Variants in OBP2B observed in about 807,000 individuals in gnomAD.
The protein encoded by OBP2B is odorant binding protein 2B, also known as odorant-binding protein 2b.
OBP2B carries 10 observed loss-of-function variants against 21.7 expected under a neutral mutation model. The ratio of observed to expected loss-of-function variants is 0.46; its 90% CI spans 0.28 to 0.78. The LOEUF (loss-of-function observed/expected upper bound fraction) is 0.78. Ranked by LOEUF, OBP2B falls within the 30% of genes least tolerant of loss-of-function variation. The pLI, the probability that OBP2B is intolerant of heterozygous loss-of-function variation, is 0.11. For missense variants in OBP2B, 153 were observed against 217.7 expected, an observed-to-expected ratio of 0.70 and a Z score of 1.87; for synonymous variants, 73 against 91.5, an observed-to-expected ratio of 0.80 and a Z score of 1.16.
At chr9:133,221,931 C>T in the OBP2B span, among the ~76,000 whole-genome samples, 1 of 152,046 alleles carries the variant, frequency 6.6e-6, no homozygotes, top group Non-Finnish European at 1.5e-5. Context: ...AGAATCACCC[C>T]CTCCTCCCCT....
At chr9:133,207,791 C>T in intron 3 of OBP2B, 1 of 1,259,270 alleles carries the variant, frequency 7.9e-7, no homozygotes, top group South Asian at 1.3e-5. Context: ...TCAGCTTCCC[C>T]ATCCTTAACC....
Position 133,206,219 on chromosome 9 carries a change from G to A in OBP2B, c.490+96C>T, listed in dbSNP as rs558471854. The stretch of plus-strand genomic sequence containing the variant: ...AGGAGACTCGGGGCACACGGGGAAT[G>A]CGGGGGACATGGGAGGACATGGGGG... On this transcript the variant is annotated intron_variant, in intron 5 of 6. Transcript: ENST00000372034. 3.6e-5 allele frequency: 48 copies of A among 1,349,780 alleles called. No homozygotes were observed. In the Middle Eastern group the frequency reaches 5.4e-4, roughly 15 times the overall value. 83.6% of individuals were successfully genotyped at this position (1,349,780 alleles called of 1,614,324 possible).
chr9:133,206,870 G>A (rs1287343162), intron 4 of OBP2B, among the ~76,000 whole-genome samples: 2 of 151,920 alleles, frequency 1.3e-5, no homozygotes, highest in Admixed American at 6.5e-5. Context: ...CACCTGGAGG[G>A]ACCTTGTCTC....
At chr9:133,220,649 C>G in the OBP2B span, among the ~76,000 whole-genome samples, 1 of 148,680 alleles carries the variant, frequency 6.7e-6, no homozygotes, top group East Asian at 2.0e-4. Context: ...GCCCTGTGTC[C>G]CCCATGTGTA....
chr9:133,208,150 G>A lies in OBP2B; in HGVS notation c.260C>T (p.Pro87Leu). Residue 87 changes from proline (P) to leucine (L), a missense_variant, in exon 3 of 7, where the codon CCT becomes CTT. Physicochemically the swap from Pro to Leu is moderately conservative, Grantham distance 98. Transcript: ENST00000372034. ...GGGCTCACAGGCGCTGTATTTGCCA[G>A]GCTCCTCCGTCTTCCGCATCAGGAT... The part of the protein sequence containing the change: ...KKILMRKTEE[P>L]GKYSAYGGRK... 1 of 1,611,480 alleles carries A rather than the reference G, an allele frequency of 6.2e-7. No individual in the cohort carries two copies. The highest frequency in any genetic ancestry group is 8.5e-7 in the Non-Finnish European group (1 of 1,179,718).
At chr9:133,215,034 CAAAAG>C in the OBP2B span, among the ~76,000 whole-genome samples, 2 of 152,114 alleles carry the variant, frequency 1.3e-5, no homozygotes, top group Admixed American at 1.3e-4. Flanking sequence ...AAAAACAAAA[CAAAAG>C]AAAACAATAC....
upstream of OBP2B, among the ~76,000 whole-genome samples, chr9:133,209,782 G>A (rs1298967611): frequency 2.0e-5 from 3 of 152,082 alleles, no homozygotes; most frequent in Non-Finnish European, 4.4e-5. This position sits in a 1 kb window ranked among gnomAD's most constrained non-coding sequence, Gnocchi z 6.0. Flanking sequence ...CCCTGCACTC[G>A]AGCTTCCTAG....
At chr9:133,205,991 C>T (rs574590560) in intron 5 of OBP2B, 51 bp from the exon 6 acceptor site, 1 of 1,613,196 alleles carries the variant, frequency 6.2e-7, no homozygotes, top group East Asian at 2.2e-5. Context: ...TAGACCAGGG[C>T]CCAGACCCCA....
Position 133,208,552 on chromosome 9 carries a change from C to T in OBP2B, c.123G>A (p.Pro41=), listed in dbSNP as rs145565891. 196 of 1,613,096 alleles carry T rather than the reference C, an allele frequency of 1.2e-4. 1 individual carries two copies. In the East Asian group the frequency reaches 1.8e-3, roughly 15 times the overall value. The change falls in exon 2 of 7, where the codon CCG becomes CCA. Residue 41 remains proline, a synonymous_variant. Coordinates refer to ENST00000372034, the MANE Select transcript of OBP2B (RefSeq NM_014581.4). ...ACACCTTCCTGGGCCTCCTGTCCTC[C>T]GGAAAGTCCTTATCGACCACCATGG... ...VKAMVVDKDF[P]EDRRPRKVSP... is the part of the protein sequence containing the mutation.
chr9:133,221,370 G>A, the OBP2B span, among the ~76,000 whole-genome samples: 1 of 152,206 alleles, frequency 6.6e-6, no homozygotes, highest in African/African-American at 2.4e-5. Flanking sequence ...ACAGGCGCGT[G>A]TGCAGATTGC....
At chr9:133,221,346 G>T in the OBP2B span, among the ~76,000 whole-genome samples, 2 of 152,192 alleles carry the variant, frequency 1.3e-5, no homozygotes, top group Non-Finnish European at 2.9e-5. Flanking sequence ...CAACCACAGG[G>T]CTTTCTCAGG....
chr9:133,207,835 C>T (rs1418368404), intron 3 of OBP2B: 18 of 1,485,814 alleles, frequency 1.2e-5, no homozygotes, highest in African/African-American at 2.8e-5. Flanking sequence ...TCAGCCTCCC[C>T]GTACCTAATC....
chr9:133,208,335 C>A, intron 2 of OBP2B, 132 bp from the exon 3 acceptor site: 1 of 1,600,762 alleles, frequency 6.2e-7, no homozygotes, highest in Non-Finnish European at 8.5e-7. Context: ...CTTCAGGATG[C>A]CCAGGCTGTT....
At chr9:133,207,643 T>G (rs1383034183) in intron 3 of OBP2B, among the ~76,000 whole-genome samples, 1 of 150,460 alleles carries the variant, frequency 6.6e-6, no homozygotes, top group Admixed American at 6.6e-5. Context: ...CCTCCCCATC[T>G]CTAATCCTCA....
At chr9:133,206,987 G>A (rs552013575) in intron 4 of OBP2B, among the ~76,000 whole-genome samples, 5 of 152,200 alleles carry the variant, frequency 3.3e-5, no homozygotes, top group Admixed American at 1.3e-4. Flanking sequence ...TCCTACACCC[G>A]AGACCCCAGA....
At chr9:133,212,156 C>T (rs1172557338), upstream of OBP2B, among the ~76,000 whole-genome samples, 2 of 152,150 alleles carry the variant, frequency 1.3e-5, no homozygotes, top group Non-Finnish European at 2.9e-5. Context: ...TAATCCTAAA[C>T]GTGTGTGCAC....
chr9:133,208,459 C>G lies in OBP2B; in HGVS notation c.206+10G>C, dbSNP rs782670137. The G allele has an allele frequency of 1.2e-6, 2 of 1,612,546 alleles. No homozygotes were observed. Among genetic ancestry groups the G allele is most frequent in the Non-Finnish European group, 1.7e-6 (2 of 1,179,098 alleles). Reference sequence around the variant, plus strand: ...GTGGCCTGAGGGGCCCTGCAGTGGGCAACACTCACATGAAGGTGAACGTGG... The same window carrying G: ...GTGGCCTGAGGGGCCCTGCAGTGGGGAACACTCACATGAAGGTGAACGTGG... On this transcript the variant is annotated intron_variant, in intron 2 of 6. Coordinates refer to ENST00000372034, the MANE Select transcript of OBP2B (RefSeq NM_014581.4).
rs1833759786 is a variant in OBP2B at position 133,207,313 on chromosome 9, G to A, written c.301C>T (p.Leu101=). 1.9e-6 allele frequency: 3 copies of A among 1,612,910 alleles called. No homozygotes were observed. Among genetic ancestry groups the A allele is most frequent in the Non-Finnish European group, 2.5e-6 (3 of 1,178,990 alleles). ...TGGTCCCTCCTGGGCAGCTCCTGCA[G>A]GTACATGAGCTTCCTGCCCCCATCT... ...SAYGGRKLMY[L]QELPRRDHYI... is the part of the protein sequence containing the mutation. Residue 101 remains leucine (L), a synonymous_variant, in exon 4 of 7, where the codon CTG becomes TTG. Transcript: ENST00000372034.
chr9:133,215,332 G>A, the OBP2B span, among the ~76,000 whole-genome samples: 1 of 152,080 alleles, frequency 6.6e-6, no homozygotes, highest in East Asian at 1.9e-4. Context: ...CATAATAAAA[G>A]CGTCATTTCT....
Sources: gnomAD v4.1 joint callset for allele counts (sites outside exome capture counted in the v4.1 genomes callset) on GRCh38, gnomAD v4.1.1 for gene constraint, Gnocchi (gnomAD v3.1) non-coding constraint, MANE v1.5 for transcripts, NCBI Gene and HGNC (gene_info 2026-07-23, HGNC 2026-07-21) for gene names.